The following TMEM132D variants were observed in gnomAD, a reference collection of about 807,000 sequenced individuals.
TMEM132D encodes transmembrane protein 132D, also known as mature OL transmembrane protein.
In TMEM132D, 21 loss-of-function variants were observed where a neutral mutation model predicts 62.3. That is an observed-to-expected ratio of 0.34 (90% CI 0.24 to 0.49). The LOEUF (loss-of-function observed/expected upper bound fraction) is 0.49. TMEM132D is among the 20% of genes least tolerant of loss of function. The pLI, the probability that TMEM132D is intolerant of heterozygous loss-of-function variation, is 0.99. For synonymous variants in TMEM132D, 621 were observed against 575.6 expected (o/e 1.08, Z -1.13); for missense variants, 1,346 against 1,402.8 (o/e 0.96, Z 0.65).
intron 5 of TMEM132D, among the ~76,000 whole-genome samples, chr12:129,154,283 G>A (rs1417158340): frequency 2.0e-5 from 3 of 152,170 alleles, no homozygotes; most frequent in African/African-American, 7.2e-5. Flanking sequence ...CAAGAGGGCT[G>A]TGCACTCTAC....
intron 5 of TMEM132D, among the ~76,000 whole-genome samples, chr12:129,095,879 T>C (rs1875099093): frequency 6.6e-6 from 1 of 152,114 alleles, no homozygotes; most frequent in Non-Finnish European, 1.5e-5. Flanking sequence ...TTTTTTTTGA[T>C]GGGAACCCTA....
chr12:129,585,549 G>C (rs558159860), intron 2 of TMEM132D, among the ~76,000 whole-genome samples: 4 of 152,206 alleles, frequency 2.6e-5, no homozygotes, highest in African/African-American at 9.6e-5. Flanking sequence ...GGCATGTAAG[G>C]AGCTGTCTCA....
At chr12:129,741,130 T>C (rs770837331) in intron 1 of TMEM132D, among the ~76,000 whole-genome samples, 7 of 152,224 alleles carry the variant, frequency 4.6e-5, no homozygotes, top group Non-Finnish European at 8.8e-5. Flanking sequence ...TTCTGACAGA[T>C]GTTACTTCAT....
rs1438935142 is a variant in TMEM132D, at chr12:129,277,087, C to A, written c.1299+60547G>T. On this transcript the variant is annotated intron_variant, in intron 4 of 8. Coordinates refer to ENST00000422113, the MANE Select transcript of TMEM132D (RefSeq NM_133448.3). This position sits in a 1 kb window ranked among gnomAD's most constrained non-coding sequence, Gnocchi z 4.2. ...TCCAAAGCCAGCATAAATGGACGAG[C>A]ACAAAGGGGCTTAATAATATAAAGG... Among the ~76,000 whole-genome samples the A allele has an allele frequency of 6.6e-6, 1 of 152,158 alleles. No homozygotes were observed. Among genetic ancestry groups the A allele is most frequent in the Admixed American group, 6.5e-5 (1 of 15,268 alleles).
chr12:129,136,703 C>CA (rs1171665386), intron 5 of TMEM132D, among the ~76,000 whole-genome samples: 7 of 151,978 alleles, frequency 4.6e-5, no homozygotes, highest in Admixed American at 1.3e-4. Context: ...ACATCACCAT[C>CA]ATTAATATCA....
chr12:129,513,874 G>GTCGCCCAGGCTGGAGTGCAGTGGCACGA (rs1875586991), intron 3 of TMEM132D, among the ~76,000 whole-genome samples: 2 of 148,012 alleles, frequency 1.4e-5, no homozygotes, highest in Non-Finnish European at 3.0e-5. Context: ...GTCTCGCTCT[G>GTCGCCCAGGCTGGAGTGCAGTGGCACGA]TCGCCCAGGC....
At chr12:129,158,178 GT>G (rs961516467) in intron 5 of TMEM132D, among the ~76,000 whole-genome samples, 1 of 152,210 alleles carries the variant, frequency 6.6e-6, no homozygotes, top group Non-Finnish European at 1.5e-5. Context: ...TAGAAGAATG[GT>G]GATAAAGGTG....
intron 4 of TMEM132D, among the ~76,000 whole-genome samples, chr12:129,316,866 T>TC (rs1868504813): frequency 6.6e-6 from 1 of 152,206 alleles, no homozygotes; most frequent in Non-Finnish European, 1.5e-5. Context: ...TATGATGATT[T>TC]CCTGTTGGAC....
chr12:129,510,009 T>C (rs755098317), intron 3 of TMEM132D, among the ~76,000 whole-genome samples: 4 of 152,202 alleles, frequency 2.6e-5, no homozygotes, highest in Non-Finnish European at 5.9e-5. Context: ...CTGGGTCTTA[T>C]GGTAGCTCTA....
At chr12:129,713,823 T>C (rs905006045) in intron 1 of TMEM132D, among the ~76,000 whole-genome samples, 1 of 152,194 alleles carries the variant, frequency 6.6e-6, no homozygotes, top group East Asian at 1.9e-4. Flanking sequence ...AGAGCTTCTG[T>C]TCAGCAGGTT....
intron 3 of TMEM132D, among the ~76,000 whole-genome samples, chr12:129,385,585 G>C (rs907570307): frequency 3.9e-5 from 6 of 152,120 alleles, no homozygotes; most frequent in African/African-American, 1.2e-4. Context: ...AATAAAATTG[G>C]AATTTCCTTC....
intron 2 of TMEM132D, among the ~76,000 whole-genome samples, chr12:129,599,882 A>AT (rs964671096): frequency 5.9e-5 from 9 of 152,120 alleles, no homozygotes; most frequent in African/African-American, 1.7e-4. Flanking sequence ...TCAAGACCTA[A>AT]TTTTTTTTGC....
intron 2 of TMEM132D, among the ~76,000 whole-genome samples, chr12:129,655,045 T>C (rs568060722): frequency 2.6e-5 from 4 of 152,002 alleles, no homozygotes; most frequent in African/African-American, 9.7e-5. Context: ...CCTCCCGGGT[T>C]CAAGTCATTC....
chr12:129,200,304 CT>C (rs1878666096), intron 5 of TMEM132D, among the ~76,000 whole-genome samples: 1 of 152,172 alleles, frequency 6.6e-6, no homozygotes, highest in African/African-American at 2.4e-5. Context: ...TCCATTACCC[CT>C]GCCGAATAAA....
rs1874141329 is a variant in TMEM132D at position 129,073,478 on chromosome 12, C to CACCTG, written c.*392_*396dup. 1 of 140,130 alleles carries CACCTG rather than the reference C, an allele frequency of 7.1e-6. No homozygotes were observed. Among genetic ancestry groups the CACCTG allele is most frequent in the Admixed American group, 7.5e-5 (1 of 13,318 alleles). 8.7% of individuals were successfully genotyped at this position (140,130 alleles called of 1,614,324 possible). On this transcript the variant is annotated 3_prime_UTR_variant, in exon 9 of 9. Transcript: ENST00000422113. Reference sequence around the variant, plus strand: ...CCATGGATGCGATCCATGGATGCTCCACCTGAGTTGTACTTTTCTTCCATA... The same window carrying CACCTG: ...CCATGGATGCGATCCATGGATGCTCCACCTGACCTGAGTTGTACTTTTCTTCCATA...
rs574911853 is a variant in TMEM132D, at chr12:129,593,772, T to G, written c.969-62567A>C. ...CTGTGCTTCACACCTTTTAAAGCAC[T>G]GGGAGGTGCAGAGAAATGCAGCTGG... On this transcript the variant is annotated intron_variant, in intron 2 of 8. Transcript: ENST00000422113. 2.0e-4 allele frequency among the ~76,000 whole-genome samples: 30 copies of G among 152,316 alleles called. No homozygotes were observed. In the East Asian group the frequency reaches 3.9e-3, roughly 20 times the overall value.
chr12:129,091,767 C>T (rs913569133), intron 5 of TMEM132D, among the ~76,000 whole-genome samples: 1 of 152,182 alleles, frequency 6.6e-6, no homozygotes, highest in Non-Finnish European at 1.5e-5. Context: ...CAAGCCTAGT[C>T]CCCCATGAGT....
chr12:129,635,463 T>A (rs1336815223), intron 2 of TMEM132D, among the ~76,000 whole-genome samples: 1 of 152,188 alleles, frequency 6.6e-6, no homozygotes, highest in Non-Finnish European at 1.5e-5. Context: ...AGCACCCCTG[T>A]GCAGTCGCCC....
At chr12:129,888,828 T>G (rs1285760018) in intron 1 of TMEM132D, among the ~76,000 whole-genome samples, 1 of 152,186 alleles carries the variant, frequency 6.6e-6, no homozygotes, top group Non-Finnish European at 1.5e-5. Flanking sequence ...TTCCCCTACT[T>G]TCATACCACG....
Sources: gnomAD v4.1 joint callset for allele counts (sites outside exome capture counted in the v4.1 genomes callset) on GRCh38, gnomAD v4.1.1 for gene constraint, Gnocchi (gnomAD v3.1) non-coding constraint, MANE v1.5 for transcripts, NCBI Gene and HGNC (gene_info 2026-07-23, HGNC 2026-07-21) for gene names.